ENDOV: variants seen among roughly 807,000 people sequenced by gnomAD.
The protein encoded by ENDOV is endonuclease V, also known as hEndoV.
A neutral mutation model predicts 39.4 loss-of-function variants in ENDOV; 37 were observed. That is an observed-to-expected ratio of 0.94 (90% CI 0.72 to 1.23). The LOEUF (loss-of-function observed/expected upper bound fraction) is 1.23. Among genes scored for constraint, ENDOV ranks in the 50% most tolerant of loss-of-function variants. The pLI is 0.00. For synonymous variants in ENDOV, 186 were observed against 163.4 expected (o/e 1.14, Z -1.05); for missense variants, 441 against 375.7 (o/e 1.17, Z -1.44).
chr17:80,422,278 C>T, intron 4 of ENDOV, 33 bp downstream of exon 4: 1 of 1,612,624 alleles, frequency 6.2e-7, no homozygotes, highest in Non-Finnish European at 8.5e-7. Context: ...AGGGAGGGCA[C>T]TGTGGGGAAG....
chr17:80,428,682 G>A (rs1203074189), intron 8 of ENDOV, 22 bp downstream of exon 8: 3 of 1,561,328 alleles, frequency 1.9e-6, no homozygotes, highest in Middle Eastern at 1.7e-4. Context: ...GGGAGGCTGG[G>A]GCACTAAAGG....
intron 7 of ENDOV, among the ~76,000 whole-genome samples, chr17:80,427,031 G>T (rs2082775574): frequency 6.6e-6 from 1 of 152,252 alleles, no homozygotes; most frequent in African/African-American, 2.4e-5. Flanking sequence ...GGGCCTTCCG[G>T]CTGCTGGCGC....
At chr17:80,419,694 C>T in intron 2 of ENDOV, 5 of 702,414 alleles carry the variant, frequency 7.1e-6, no homozygotes, top group Non-Finnish European at 1.3e-5. Context: ...TCCCAAGAGG[C>T]TGCGATGACG....
chr17:80,427,418 A>T, intron 7 of ENDOV: 1 of 985,154 alleles, frequency 1.0e-6, no homozygotes, highest in Non-Finnish European at 1.2e-6. Context: ...GGGAGGGGAC[A>T]CCTGGCCTGT....
At chr17:80,415,530 G>C (rs1045348049) in intron 1 of ENDOV, 120 bp from the exon 2 acceptor site, 5 of 1,318,204 alleles carry the variant, frequency 3.8e-6, no homozygotes, top group African/African-American at 1.5e-5. Context: ...TATGTCCCTT[G>C]CTTTCCCTTG....
intron 9 of ENDOV, among the ~76,000 whole-genome samples, chr17:80,432,324 G>A (rs372484252): frequency 3.0e-4 from 45 of 152,254 alleles, no homozygotes; most frequent in African/African-American, 9.1e-4. Flanking sequence ...ATCAGTGGTC[G>A]GAGGGAAGGG....
At chr17:80,419,134 G>T (rs867183959) in intron 2 of ENDOV, among the ~76,000 whole-genome samples, 10 of 144,392 alleles carry the variant, frequency 6.9e-5, no homozygotes, top group Middle Eastern at 3.8e-3. Context: ...GATCGCGTCA[G>T]TGCACTCCAG....
intron 4 of ENDOV, among the ~76,000 whole-genome samples, chr17:80,423,119 C>A (rs943965940): frequency 2.0e-5 from 3 of 152,254 alleles, no homozygotes; most frequent in Non-Finnish European, 4.4e-5. Context: ...TCGGCCCTGG[C>A]TGCTGCCCTC....
At chr17:80,427,821 C>T (rs764448389) in intron 7 of ENDOV, 245 of 1,287,100 alleles carry the variant, frequency 1.9e-4, no homozygotes, top group Middle Eastern at 1.3e-3. Context: ...GGCTCTCCTG[C>T]CAGGCCAGGC....
At position 80,428,643 on chromosome 17, in the gene ENDOV, C is replaced by T. The variant is rs1005143366; in HGVS notation, c.762C>T (p.Pro254=). The change falls in exon 8 of 10, where the codon CCC becomes CCT. Residue 254 remains proline, a synonymous_variant. Coordinates refer to ENST00000518137, the MANE Select transcript of ENDOV (RefSeq NM_173627.5). Reference sequence around the variant, plus strand: ...ACATCCGCAAGTCGCTGGGACTCCCCGGGCCACCCACACCGAGGTGAGCAC... The same window carrying T: ...ACATCCGCAAGTCGCTGGGACTCCCTGGGCCACCCACACCGAGGTGAGCAC... ...REHIRKSLGL[P]GPPTPRSPKA... 1.8e-5 allele frequency: 28 copies of T among 1,583,038 alleles called. No homozygotes were observed. Among genetic ancestry groups the T allele is most frequent in the Middle Eastern group, 1.7e-4 (1 of 6,030 alleles).
rs1180521654 is a variant in ENDOV, at chr17:80,415,684, C to T, written c.91C>T (p.Arg31Trp). ...TCGGCTGAAGGCCCACGTCGTAGAC[C>T]GGGACACCGAGGCGTGGCAGCGAGA... ...QARLKAHVVD[R>W]DTEAWQRDPA... The change falls in exon 2 of 10, where the codon CGG (arginine) becomes TGG (tryptophan). Residue 31 changes from arginine to tryptophan, a missense_variant. Arg to Trp is a moderately radical substitution (Grantham distance 101). Transcript: ENST00000518137. 62 of 1,612,214 alleles carry T rather than the reference C, an allele frequency of 3.8e-5. No individual in the cohort carries two copies. Among genetic ancestry groups the T allele is most frequent in the Non-Finnish European group, 5.2e-5 (61 of 1,179,322 alleles).
chr17:80,429,910 A>G, intron 9 of ENDOV, 79 bp downstream of exon 9: 1 of 1,609,606 alleles, frequency 6.2e-7, no homozygotes, highest in Non-Finnish European at 8.5e-7. Context: ...CAGGCGGGCA[A>G]GGACTGGCAG....
chr17:80,432,952 A>G (rs1214619636), intron 9 of ENDOV, among the ~76,000 whole-genome samples: 1 of 152,180 alleles, frequency 6.6e-6, no homozygotes, highest in Non-Finnish European at 1.5e-5. Context: ...AGACACACCC[A>G]GAGCCTGGTG....
Position 80,436,397 on chromosome 17 carries a change from T to C in ENDOV, c.*254T>C. 1 of 1,404,034 alleles carries C rather than the reference T, an allele frequency of 7.1e-7. No individual in the cohort carries two copies. The allele number at this position is 1,404,034 out of a possible 1,614,324, so 87.0% of individuals were successfully genotyped here. A position where few individuals can be genotyped will look rare whatever the true frequency, so the allele number is the denominator to read the frequency against. The stretch of plus-strand genomic sequence containing the variant: ...CAGTCTTTCACCACTAGATGTGATG[T>C]GAGCTGTTAGATTTTCAAGGATGCT... On this transcript the variant is annotated 3_prime_UTR_variant, in exon 10 of 10. Coordinates refer to ENST00000518137, the MANE Select transcript of ENDOV (RefSeq NM_173627.5).
chr17:80,423,435 CT>C (rs1027095676), intron 4 of ENDOV, 84 bp from the exon 5 acceptor site: 4 of 1,334,764 alleles, frequency 3.0e-6, no homozygotes, highest in Non-Finnish European at 4.1e-6. Context: ...CTTAGGGAAG[CT>C]TTTGGTAAGA....
At chr17:80,430,960 C>G (rs763234688) in intron 9 of ENDOV, among the ~76,000 whole-genome samples, 6 of 152,222 alleles carry the variant, frequency 3.9e-5, no homozygotes, top group Non-Finnish European at 8.8e-5. Flanking sequence ...CAGCCCAGCC[C>G]CAGCCCCTGG....
Position 80,428,668 on chromosome 17 carries a change from C to T in ENDOV, c.779+8C>T, listed in dbSNP as rs1375583808. ...CGGGCCACCCACACCGAGGTGAGCA[C>T]CCAGGGAGGCTGGGGCACTAAAGGG... On this transcript the variant is annotated splice_region_variant and intron_variant, in intron 8 of 9. Transcript: ENST00000518137. 4.5e-6 allele frequency: 7 copies of T among 1,572,720 alleles called. No homozygotes were observed. The highest frequency in any genetic ancestry group is 1.8e-5 in the Admixed American group (1 of 54,252).
At position 80,415,202 on chromosome 17, in the gene ENDOV, T is replaced by C. The variant is rs943900073; in HGVS notation, c.8T>C (p.Leu3Pro). 1 of 1,613,154 alleles carries C rather than the reference T, an allele frequency of 6.2e-7. No homozygotes were observed. Among genetic ancestry groups the C allele is most frequent in the Non-Finnish European group, 8.5e-7 (1 of 1,179,606 alleles). Residue 3 changes from leucine to proline, a missense_variant, in exon 1 of 10, where the codon CTG becomes CCG. Physicochemically the swap from Leu to Pro is moderately conservative, Grantham distance 98. Coordinates refer to ENST00000518137, the MANE Select transcript of ENDOV (RefSeq NM_173627.5). ...GGTGCCCGGGACGAAGCCATGGCCC[T>C]GGAGGCGGCGGGAGGGCCGCCGGAG... MA[L>P]EAAGGPPEET...
chr17:80,425,695 G>A, intron 7 of ENDOV, 75 bp downstream of exon 7: 2 of 1,530,724 alleles, frequency 1.3e-6, no homozygotes, highest in Non-Finnish European at 1.7e-6. Context: ...GGGCTCCCCA[G>A]CAGCTCAGCT....
Sources: allele counts gnomAD v4.1 joint callset (sites outside exome capture counted in the v4.1 genomes callset), GRCh38; gene constraint gnomAD v4.1.1; transcripts MANE v1.5; gene names NCBI Gene and HGNC (gene_info 2026-07-23, HGNC 2026-07-21).